XIRP2: variants seen among roughly 807,000 people sequenced by gnomAD.
XIRP2 encodes the protein xin actin-binding repeat-containing protein 2.
XIRP2 carries 236 observed loss-of-function variants against 277.0 expected under a neutral mutation model. The ratio of observed to expected loss-of-function variants is 0.85; its 90% CI spans 0.77 to 0.95. The LOEUF (loss-of-function observed/expected upper bound fraction) is 0.95. Among genes scored for constraint, XIRP2 ranks in the 40% least tolerant of loss-of-function variants. The pLI is 0.00. For missense variants in XIRP2, 4,640 were observed against 4,157.5 expected (o/e 1.12, Z -3.19); for synonymous variants, 1,490 against 1,416.5 (o/e 1.05, Z -1.17).
chr2:167,251,442 A>G lies in XIRP2; in HGVS notation c.10050A>G (p.Ser3350=). ...ATGGCCCAGTTTCTGAAGCAAAGTC[A>G]AATAGAAGAGTTTATGCAAAGGGAG... ...FEHGPVSEAK[S]NRRVYAKGET... is the part of the protein sequence containing the mutation. The change falls in exon 9 of 11, where the codon TCA becomes TCG. Residue 3350 remains serine, a synonymous_variant. Transcript: ENST00000409195. 6.2e-7 allele frequency: 1 copy of G among 1,613,608 alleles called. No individual in the cohort carries two copies. The highest frequency in any genetic ancestry group is 8.5e-7 in the Non-Finnish European group (1 of 1,179,666).
chr2:167,191,125 G>A (rs912599390), intron 3 of XIRP2, among the ~76,000 whole-genome samples: 1 of 150,052 alleles, frequency 6.7e-6, no homozygotes, highest in African/African-American at 2.5e-5. Flanking sequence ...GGTTGAGGCT[G>A]CGATAAACCA....
intron 2 of XIRP2, among the ~76,000 whole-genome samples, chr2:166,909,234 C>G (rs1182399023): frequency 1.3e-5 from 2 of 152,166 alleles, no homozygotes; most frequent in African/African-American, 4.8e-5. Context: ...GATATTGATT[C>G]TTCCTATCCA....
intron 2 of XIRP2, among the ~76,000 whole-genome samples, chr2:167,092,284 T>G (rs1690169186): frequency 6.6e-6 from 1 of 152,144 alleles, no homozygotes; most frequent in Admixed American, 6.5e-5. Flanking sequence ...GCCATATTCA[T>G]TTTTATTTAT....
At chr2:167,239,100 C>T (rs1306338585) in intron 5 of XIRP2, among the ~76,000 whole-genome samples, 2 of 152,140 alleles carry the variant, frequency 1.3e-5, no homozygotes, top group Admixed American at 6.5e-5. Flanking sequence ...TATTCTTCAA[C>T]TGAACTCTGG....
intron 2 of XIRP2, among the ~76,000 whole-genome samples, chr2:166,980,500 T>C (rs1189582174): frequency 6.6e-6 from 1 of 152,178 alleles, no homozygotes; most frequent in Non-Finnish European, 1.5e-5. Context: ...CACTGCAACC[T>C]GCGCCTCCTG....
intron 2 of XIRP2, among the ~76,000 whole-genome samples, chr2:167,011,082 G>T (rs918570192): frequency 6.6e-6 from 1 of 150,774 alleles, no homozygotes; most frequent in African/African-American, 2.4e-5. Flanking sequence ...CTGCCTAATT[G>T]CCCTGGCCAG....
rs201479284 is a variant in XIRP2 at position 166,959,318 on chromosome 2, TC to T, written c.408+55430del. ...GATAAAATAAGGGCTACAGAGACCTTCCATGGACAAGTGCAATAACTCATTT... is the reference window on the plus strand; with the variant it reads ...GATAAAATAAGGGCTACAGAGACCTTCATGGACAAGTGCAATAACTCATTT... On this transcript the variant is annotated intron_variant, in intron 2 of 10. Transcript: ENST00000409195. 7.2e-5 allele frequency among the ~76,000 whole-genome samples: 11 copies of T among 151,958 alleles called. No homozygotes were observed. In the East Asian group the frequency reaches 2.1e-3, roughly 30 times the overall value.
chr2:166,931,481 A>C (rs1479849383), intron 2 of XIRP2, among the ~76,000 whole-genome samples: 1 of 152,178 alleles, frequency 6.6e-6, no homozygotes. Flanking sequence ...TTAGATTTCC[A>C]GCACCACTTT....
chr2:167,058,259 T>C (rs1274205718), intron 2 of XIRP2, among the ~76,000 whole-genome samples: 1 of 151,712 alleles, frequency 6.6e-6, no homozygotes. Context: ...TGTTTGTTTA[T>C]TGTTGGTTTT....
intron 2 of XIRP2, among the ~76,000 whole-genome samples, chr2:166,926,192 A>G (rs993645840): frequency 3.3e-5 from 5 of 152,004 alleles, no homozygotes; most frequent in South Asian, 2.1e-4. Context: ...TTATCCAACT[A>G]TGTTTGGAGT....
At chr2:167,055,721 A>G (rs1689021818) in intron 2 of XIRP2, among the ~76,000 whole-genome samples, 1 of 152,196 alleles carries the variant, frequency 6.6e-6, no homozygotes, top group South Asian at 2.1e-4. Flanking sequence ...TAGAATAAGA[A>G]GGTATATTTG....
intron 2 of XIRP2, among the ~76,000 whole-genome samples, chr2:167,061,080 G>A (rs895914138): frequency 3.3e-5 from 5 of 151,938 alleles, no homozygotes; most frequent in Admixed American, 3.3e-4. Context: ...AATGTATATT[G>A]CTACATTTAT....
chr2:167,116,212 A>G (rs1156955082), intron 2 of XIRP2, among the ~76,000 whole-genome samples: 1 of 152,170 alleles, frequency 6.6e-6, no homozygotes, highest in Non-Finnish European at 1.5e-5. Flanking sequence ...AACTTATTCT[A>G]TTAAATGTTG....
chr2:167,201,258 GAA>G (rs1693702556), intron 3 of XIRP2, among the ~76,000 whole-genome samples: 24 of 86,778 alleles, frequency 2.8e-4, no homozygotes, highest in East Asian at 1.5e-3. Context: ...AAGAAAGAAA[GAA>G]AGAGAGAGGG....
At chr2:167,159,486 A>AT (rs150097012) in intron 3 of XIRP2, among the ~76,000 whole-genome samples, 15,027 of 152,178 alleles carry the variant, frequency 0.099, 799 homozygotes, top group South Asian at 0.16. Context: ...CATTTAAAAT[A>AT]TTTTATGTAA....
chr2:167,201,067 A>C (rs1693670998), intron 3 of XIRP2, among the ~76,000 whole-genome samples: 1 of 151,218 alleles, frequency 6.6e-6, no homozygotes, highest in South Asian at 2.1e-4. Context: ...CAGAGGTTGC[A>C]GTGAGCCGAG....
Position 167,250,788 on chromosome 2 carries a change from A to G in XIRP2, c.9396A>G (p.Arg3132=), listed in dbSNP as rs746178498. The G allele has an allele frequency of 6.2e-7, 1 of 1,613,582 alleles. No individual in the cohort carries two copies. Residue 3132 remains arginine (R), a synonymous_variant, in exon 9 of 11, where the codon CGA becomes CGG. Transcript: ENST00000409195. ...TCACAATAGAATCTACTGCCCGACGAACAGAAAACCCTACTAAGAACGAGC... is the reference window on the plus strand; with the variant it reads ...TCACAATAGAATCTACTGCCCGACGGACAGAAAACCCTACTAAGAACGAGC... The part of the protein sequence containing the change: ...TFITIESTAR[R]TENPTKNELS...
intron 5 of XIRP2, among the ~76,000 whole-genome samples, chr2:167,223,257 CA>C (rs1291787328): frequency 6.6e-6 from 1 of 152,004 alleles, no homozygotes; most frequent in Non-Finnish European, 1.5e-5. Flanking sequence ...GATGGAGCTC[CA>C]AAAATTTTGG....
At chr2:166,936,743 G>A (rs966743906) in intron 2 of XIRP2, among the ~76,000 whole-genome samples, 6 of 152,100 alleles carry the variant, frequency 3.9e-5, no homozygotes, top group Admixed American at 3.9e-4. Flanking sequence ...TATTACTTCT[G>A]AGGGCTCTGT....
Sources: gnomAD v4.1 joint callset for allele counts (sites outside exome capture counted in the v4.1 genomes callset) on GRCh38, gnomAD v4.1.1 for gene constraint, MANE v1.5 for transcripts, NCBI Gene and HGNC (gene_info 2026-07-23, HGNC 2026-07-21) for gene names.